The following ABAT variants were observed in gnomAD, a reference collection of about 807,000 sequenced individuals.
The protein encoded by ABAT is 4-aminobutyrate aminotransferase, mitochondrial.
In ABAT, 45 loss-of-function variants were observed where a neutral mutation model predicts 64.6. The ratio of observed to expected loss-of-function variants is 0.70; its 90% CI spans 0.55 to 0.89. The LOEUF (loss-of-function observed/expected upper bound fraction) is 0.89, where lower values mean the gene tolerates loss of function less well. Among genes scored for constraint, ABAT ranks in the 40% least tolerant of loss-of-function variants. ABAT has a pLI of 0.00. For missense variants in ABAT, 633 were observed against 658.4 expected (o/e 0.96, Z 0.42); for synonymous variants, 297 against 250.5 (o/e 1.19, Z -1.75).
chr16:8,688,838 G>A (rs1293010269), intron 1 of ABAT, among the ~76,000 whole-genome samples: 5 of 152,190 alleles, frequency 3.3e-5, no homozygotes, highest in Non-Finnish European at 7.3e-5. Context: ...AACACTTTGG[G>A]AGGCCAAGGC....
At chr16:8,698,839 G>T (rs756860508) in intron 1 of ABAT, among the ~76,000 whole-genome samples, 2 of 152,088 alleles carry the variant, frequency 1.3e-5, no homozygotes, top group African/African-American at 2.4e-5. Flanking sequence ...CCAGCTACTC[G>T]AGAGGCTGAG....
At chr16:8,759,024 C>G (rs146528397) in intron 6 of ABAT, among the ~76,000 whole-genome samples, 3,215 of 152,102 alleles carry the variant, frequency 0.021, 123 homozygotes, top group African/African-American at 0.073. Flanking sequence ...ATTGCTTGAA[C>G]CCAGGAGGTG....
intron 6 of ABAT, among the ~76,000 whole-genome samples, chr16:8,759,677 T>C (rs2059741300): frequency 6.6e-6 from 1 of 152,100 alleles, no homozygotes; most frequent in South Asian, 2.1e-4. Flanking sequence ...CATGCCCAGC[T>C]CATTTTTGGT....
Position 8,782,221 on chromosome 16 carries a change from T to C in ABAT, c.*791T>C, listed in dbSNP as rs2060455645. 1 of 152,792 alleles carries C rather than the reference T, an allele frequency of 6.5e-6. No homozygotes were observed. The highest frequency in any genetic ancestry group is 2.4e-5 in the African/African-American group (1 of 41,450). 9.5% of individuals were successfully genotyped at this position (152,792 alleles called of 1,614,324 possible). On this transcript the variant is annotated 3_prime_UTR_variant, in exon 16 of 16. Coordinates refer to ENST00000268251, the MANE Select transcript of ABAT (RefSeq NM_020686.6). ...GACCTGGACCTGGGTGGGAGGAAAC[T>C]GTAGCCTGAGTGTCCACAGGGACAC... is the stretch of plus-strand genomic sequence containing the variant.
chr16:8,700,041 A>G (rs1215410014), intron 1 of ABAT, among the ~76,000 whole-genome samples: 1 of 151,814 alleles, frequency 6.6e-6, no homozygotes, highest in Non-Finnish European at 1.5e-5. Flanking sequence ...GGCTGGTCTT[A>G]AACTCCTAGG....
rs774327698 is a variant in ABAT, at chr16:8,773,105, T to TATACACACAC, written c.954+189_954+190insTACACACACA. Among the ~76,000 whole-genome samples, 129 of 109,026 alleles carry TATACACACAC rather than the reference T, an allele frequency of 1.2e-3. No individual in the cohort carries two copies. The Middle Eastern group carries it at 0.021, about 18-fold the overall frequency. 71.5% of individuals were successfully genotyped at this position (109,026 alleles called of 152,430 possible). A position where few individuals can be genotyped will look rare whatever the true frequency, so the allele number is the denominator to read the frequency against. Reference sequence around the variant, plus strand: ...GAATGGGGATTCTTCCCTAAAACTATACACACACACACACACACACACACA... The same window carrying TATACACACAC: ...GAATGGGGATTCTTCCCTAAAACTATATACACACACACACACACACACACACACACACACA... On this transcript the variant is annotated intron_variant, in intron 12 of 15. Transcript: ENST00000268251.
At chr16:8,691,526 G>T (rs774507777) in intron 1 of ABAT, among the ~76,000 whole-genome samples, 5 of 151,932 alleles carry the variant, frequency 3.3e-5, no homozygotes, top group Admixed American at 2.6e-4. Context: ...TGCAATCTCT[G>T]CCTCCTGGGT....
chr16:8,698,781 A>C (rs1341168480), intron 1 of ABAT, among the ~76,000 whole-genome samples: 1 of 151,782 alleles, frequency 6.6e-6, no homozygotes, highest in Non-Finnish European at 1.5e-5. Context: ...CCATCTCTAC[A>C]AAAAAAATAC....
chr16:8,709,656 G>C (rs1396247244), intron 1 of ABAT, among the ~76,000 whole-genome samples: 1 of 152,182 alleles, frequency 6.6e-6, no homozygotes, highest in Non-Finnish European at 1.5e-5. Flanking sequence ...TTACAGGCGT[G>C]AGCCACCATG....
Position 8,775,074 on chromosome 16 carries a change from C to T in ABAT, c.1122+17C>T, listed in dbSNP as rs757665953. The T allele has an allele frequency of 6.2e-7, 1 of 1,614,172 alleles. No homozygotes were observed. Among genetic ancestry groups the T allele is most frequent in the Admixed American group, 1.7e-5 (1 of 60,020 alleles). On this transcript the variant is annotated intron_variant, in intron 13 of 15. Transcript: ENST00000268251. ...CCTAATGCTGTGAGTTGGAGCCAAC[C>T]TTCTCTCTACATCCAGGGCAGAGAA...
intron 6 of ABAT, among the ~76,000 whole-genome samples, chr16:8,762,870 G>C (rs2059836518): frequency 6.6e-6 from 1 of 152,106 alleles, no homozygotes. Flanking sequence ...ACTTTGGGAG[G>C]CTGAGGCAGG....
intron 15 of ABAT, chr16:8,780,781 A>G (rs1389887026): frequency 1.1e-5 from 2 of 178,736 alleles, no homozygotes; most frequent in Admixed American, 5.8e-5. Context: ...AAAAAAAAAA[A>G]GGCATAAACA....
At chr16:8,679,629 A>T (rs1596395213) in intron 1 of ABAT, among the ~76,000 whole-genome samples, 1 of 151,334 alleles carries the variant, frequency 6.6e-6, no homozygotes, top group East Asian at 2.0e-4. Context: ...CCCAGTACTT[A>T]GTAGGTGCTT....
chr16:8,682,577 A>G (rs2057360714), intron 1 of ABAT, among the ~76,000 whole-genome samples: 1 of 149,158 alleles, frequency 6.7e-6, no homozygotes, highest in Non-Finnish European at 1.5e-5. Context: ...CTCTATTTCC[A>G]TGTTCTCTAG....
rs778319783 is a variant in ABAT, at chr16:8,779,562, T to A, written c.1353T>A (p.Asn451Lys). 6.8e-6 allele frequency: 11 copies of A among 1,614,046 alleles called. No homozygotes were observed. The highest frequency in any genetic ancestry group is 1.7e-5 in the Admixed American group (1 of 60,002). The change falls in exon 15 of 16, where the codon AAT (asparagine) becomes AAA (lysine). Residue 451 changes from asparagine to lysine, a missense_variant. Transcript: ENST00000268251. The part of the protein sequence containing the change: ...SFDTPDDSIR[N>K]KLILIARNKG... The stretch of plus-strand genomic sequence containing the variant: ...ATACTCCCGATGATTCCATACGGAA[T>A]AAGCTCATTTTAATTGCCAGAAACA...
chr16:8,731,599 C>T (rs1430826052), intron 1 of ABAT: 5 of 151,904 alleles, frequency 3.3e-5, no homozygotes, highest in Non-Finnish European at 5.9e-5. Flanking sequence ...GGTATGTCAA[C>T]CTCAACACCA....
intron 1 of ABAT, among the ~76,000 whole-genome samples, chr16:8,679,894 G>C (rs2057293157): frequency 6.6e-6 from 1 of 151,966 alleles, no homozygotes; most frequent in African/African-American, 2.4e-5. Flanking sequence ...TCCTCCCTGG[G>C]GTCTAACCAT....
At chr16:8,685,784 G>T (rs1479070178) in intron 1 of ABAT, among the ~76,000 whole-genome samples, 1 of 152,224 alleles carries the variant, frequency 6.6e-6, no homozygotes, top group Non-Finnish European at 1.5e-5. Context: ...GGCAAGAGGA[G>T]GCTGTAGGAA....
intron 1 of ABAT, chr16:8,713,283 T>TA (rs34212078): frequency 0.52 from 74,976 of 144,996 alleles, 20,901 homozygotes; most frequent in East Asian, 0.78. Flanking sequence ...CTGAGCCTGT[T>TA]AAAAAAAAAA....
Sources: allele counts gnomAD v4.1 joint callset (sites outside exome capture counted in the v4.1 genomes callset), GRCh38; gene constraint gnomAD v4.1.1; transcripts MANE v1.5; gene names NCBI Gene and HGNC (gene_info 2026-07-23, HGNC 2026-07-21).